CCM2: variants seen among roughly 807,000 people sequenced by gnomAD.
The protein encoded by CCM2 is CCM2 scaffold protein.
CCM2 carries 25 observed loss-of-function variants against 44.9 expected under a neutral mutation model. The ratio of observed to expected loss-of-function variants is 0.56; its 90% confidence interval spans 0.41 to 0.78. The LOEUF (loss-of-function observed/expected upper bound fraction) is 0.78. CCM2 is among the 30% of genes least tolerant of loss of function. The pLI is 0.00. For missense variants in CCM2, 481 were observed against 580.6 expected, an observed-to-expected ratio of 0.83 and a Z score of 1.76; for synonymous variants, 219 against 241.1, an observed-to-expected ratio of 0.91 and a Z score of 0.85.
chr7:45,039,333 TG>T (rs1797369974), intron 2 of CCM2, among the ~76,000 whole-genome samples: 2 of 152,346 alleles, frequency 1.3e-5, no homozygotes, highest in East Asian at 3.9e-4. Context: ...GCTTCTAGAA[TG>T]CCTGCAACCA....
At chr7:45,067,889 G>A in intron 4 of CCM2, 1 of 180,392 alleles carries the variant, frequency 5.5e-6, no homozygotes, top group Non-Finnish European at 1.2e-5. Context: ...GATGGTGAGA[G>A]CCCTGCTTCC....
At chr7:45,064,153 T>C (rs922847207) in intron 3 of CCM2, 152 bp downstream of exon 3, 2 of 651,860 alleles carry the variant, frequency 3.1e-6, no homozygotes, top group African/African-American at 1.8e-5. Flanking sequence ...TTCCTTAGTA[T>C]GGACATTAAG....
At chr7:45,061,758 T>TA (rs1798536484) in intron 2 of CCM2, among the ~76,000 whole-genome samples, 1 of 152,160 alleles carries the variant, frequency 6.6e-6, no homozygotes, top group African/African-American at 2.4e-5. Flanking sequence ...GTCCTGGGAT[T>TA]ATGGGCATGA....
Position 45,070,265 on chromosome 7 carries a change from A to G in CCM2, c.745+304A>G, listed in dbSNP as rs186020677. The stretch of plus-strand genomic sequence containing the variant: ...TCACTTCACTTAACTCGGAACAAAG[A>G]GCTTGGAGAAGGCTCCTAGCACTGG... On this transcript the variant is annotated intron_variant, in intron 6 of 9. Coordinates refer to ENST00000258781, the MANE Select transcript of CCM2 (RefSeq NM_031443.4). The G allele has an allele frequency of 4.3e-4, 179 of 412,186 alleles. 2 individuals are homozygous for G. Among genetic ancestry groups the G allele is most frequent in the African/African-American group, 3.3e-3 (164 of 49,108 alleles). 25.5% of individuals were successfully genotyped at this position (412,186 alleles called of 1,614,324 possible).
Position 45,074,338 on chromosome 7 carries a change from G to A in CCM2, c.984G>A (p.Gly328=), listed in dbSNP as rs112504276. ...FAALLHEYRN[G]ASIHEFCINL... ...CACTGCTGCACGAGTACCGCAATGGGGCCTCTATCCACGAGTTCTGCATCA... is the reference window on the plus strand; with the variant it reads ...CACTGCTGCACGAGTACCGCAATGGAGCCTCTATCCACGAGTTCTGCATCA... The change falls in exon 9 of 10, where the codon GGG becomes GGA. Residue 328 remains glycine, a synonymous_variant. Transcript: ENST00000258781. 1.3e-3 allele frequency: 2,080 copies of A among 1,613,780 alleles called. 24 individuals are homozygous for A. The African/African-American group carries it at 0.024, about 18-fold the overall frequency.
At chr7:45,000,185 G>A (rs1200709101), upstream of CCM2, 5 of 267,920 alleles carry the variant, frequency 1.9e-5, no homozygotes, top group South Asian at 2.6e-4. Flanking sequence ...GTGCGGGTGT[G>A]GGGCGCGGCC....
chr7:45,062,126 T>C (rs910397204), intron 2 of CCM2, among the ~76,000 whole-genome samples: 2 of 152,226 alleles, frequency 1.3e-5, no homozygotes, highest in African/African-American at 4.8e-5. Flanking sequence ...AGAACAGTCA[T>C]TGATTTTAAG....
At chr7:45,073,599 C>T in intron 8 of CCM2, 28 bp downstream of exon 8, 1 of 1,514,822 alleles carries the variant, frequency 6.6e-7, no homozygotes, top group Non-Finnish European at 9.1e-7. Flanking sequence ...GGACGCTGGG[C>T]TGCATGAGGG....
intron 2 of CCM2, among the ~76,000 whole-genome samples, chr7:45,047,662 C>G (rs1797822305): frequency 6.6e-6 from 1 of 152,198 alleles, no homozygotes; most frequent in Non-Finnish European, 1.5e-5. Context: ...TTTGAAATGA[C>G]ACAGTTGCTG....
chr7:45,024,031 G>A (rs1207548193), intron 1 of CCM2, among the ~76,000 whole-genome samples: 2 of 151,936 alleles, frequency 1.3e-5, no homozygotes, highest in Non-Finnish European at 2.9e-5. Flanking sequence ...GGCTGGTCTC[G>A]AATTCCCGAC....
At chr7:45,010,593 GTA>G (rs754136021) in intron 1 of CCM2, among the ~76,000 whole-genome samples, 6 of 151,632 alleles carry the variant, frequency 4.0e-5, no homozygotes, top group Non-Finnish European at 7.4e-5. Context: ...TCTAGTTTGT[GTA>G]TATATATATA....
At chr7:45,025,805 A>G (rs1482214136) in intron 1 of CCM2, among the ~76,000 whole-genome samples, 1 of 152,204 alleles carries the variant, frequency 6.6e-6, no homozygotes, top group East Asian at 1.9e-4. Flanking sequence ...AAACGCTGGG[A>G]TTACAGGCGG....
At position 45,072,743 on chromosome 7, in the gene CCM2, G is replaced by T; in HGVS notation, c.763G>T (p.Val255Leu). ...CCTTACAGATGACTCTTCTACAAAA[G>T]TGGACATTAAGGAGACCTACGAGGT... is the stretch of plus-strand genomic sequence containing the variant. ...SLHSDDSSTK[V>L]DIKETYEVEA... Residue 255 changes from valine to leucine, a missense_variant, in exon 7 of 10, where the codon GTG (valine) becomes TTG (leucine). Physicochemically the swap from Val to Leu is conservative, Grantham distance 32. Transcript: ENST00000258781. 4 of 1,613,004 alleles carry T rather than the reference G, an allele frequency of 2.5e-6. No individual in the cohort carries two copies. Among genetic ancestry groups the T allele is most frequent in the Non-Finnish European group, 3.4e-6 (4 of 1,179,684 alleles).
At position 45,075,854 on chromosome 7, in the gene CCM2, C is replaced by T. The variant is rs371371873; in HGVS notation, c.1132C>T (p.Arg378Cys). The change falls in exon 10 of 10, where the codon CGC becomes TGC. Residue 378 changes from arginine (R) to cysteine (C), a missense_variant. Physicochemically the swap from Arg to Cys is radical, Grantham distance 180 (BLOSUM62 -3). Coordinates refer to ENST00000258781, the MANE Select transcript of CCM2 (RefSeq NM_031443.4). ...GGAGACCATTGGCGTGAAGGATGGC[C>T]GCGGCATCATCACTGACAGCTTTGG... ...FLETIGVKDG[R>C]GIITDSFGRH... 1.4e-5 allele frequency: 23 copies of T among 1,613,550 alleles called. No individual in the cohort carries two copies. The highest frequency in any genetic ancestry group is 6.6e-5 in the South Asian group (6 of 91,086).
At chr7:45,014,459 G>C (rs1466657916) in intron 1 of CCM2, among the ~76,000 whole-genome samples, 1 of 151,858 alleles carries the variant, frequency 6.6e-6, no homozygotes, top group Non-Finnish European at 1.5e-5. Flanking sequence ...TTTAATTGCA[G>C]TAAAAAAGCA....
chr7:45,054,084 G>A (rs73694266), intron 2 of CCM2, among the ~76,000 whole-genome samples: 1,569 of 152,238 alleles, frequency 0.01, 25 homozygotes, highest in African/African-American at 0.036. Flanking sequence ...CCTGGATCCA[G>A]CACCTTGAGG....
chr7:45,047,177 G>A (rs747924484), intron 2 of CCM2, among the ~76,000 whole-genome samples: 20 of 152,148 alleles, frequency 1.3e-4, no homozygotes, highest in Non-Finnish European at 2.9e-5. Context: ...AAATCTCCAC[G>A]TGCAACTACG....
chr7:45,040,511 A>C (rs753607900), intron 2 of CCM2, among the ~76,000 whole-genome samples: 1 of 152,276 alleles, frequency 6.6e-6, no homozygotes, highest in Non-Finnish European at 1.5e-5. Flanking sequence ...CCAAGAAAAA[A>C]GAATGAAGGG....
chr7:45,056,149 T>C lies in CCM2; in HGVS notation c.205-7769T>C, dbSNP rs1316152350. On this transcript the variant is annotated intron_variant, in intron 2 of 9. Coordinates refer to ENST00000258781, the MANE Select transcript of CCM2 (RefSeq NM_031443.4). ...TGAATCATGCTGCTATGAACATGGG[T>C]GTACAAATGTCTTTTCAAGCCCCTG... Among the ~76,000 whole-genome samples, 8 of 150,974 alleles carry C rather than the reference T, an allele frequency of 5.3e-5. No individual in the cohort carries two copies. In the East Asian group the frequency reaches 1.5e-3, roughly 29 times the overall value.
Sources: allele counts gnomAD v4.1 joint callset (sites outside exome capture counted in the v4.1 genomes callset), GRCh38; gene constraint gnomAD v4.1.1; transcripts MANE v1.5; gene names NCBI Gene and HGNC (gene_info 2026-07-23, HGNC 2026-07-21).